SPOCD1: variants seen among roughly 807,000 people sequenced by gnomAD.
The protein encoded by SPOCD1 is SPOC domain containing 1, also known as SPOC domain-containing protein 1.
In SPOCD1, 64 loss-of-function variants were observed where a neutral mutation model predicts 92.2. That is an observed-to-expected ratio of 0.69 (90% CI 0.57 to 0.86). The LOEUF is 0.86. Ranked by LOEUF, SPOCD1 falls within the 40% of genes least tolerant of loss-of-function variation. The pLI is 0.00. For missense variants in SPOCD1, 1,360 were observed against 1,543.1 expected (o/e 0.88, Z 1.99); for synonymous variants, 578 against 619.3 (o/e 0.93, Z 0.99).
At chr1:31,810,571 C>A (rs1022202001) in intron 2 of SPOCD1, among the ~76,000 whole-genome samples, 3 of 152,200 alleles carry the variant, frequency 2.0e-5, no homozygotes, top group East Asian at 3.9e-4. Flanking sequence ...CCAGGCTGGT[C>A]TCCTGAGCTC....
chr1:31,796,726 G>A lies in SPOCD1; in HGVS notation c.2146-11C>T, dbSNP rs1196799727. The A allele has an allele frequency of 2.6e-5, 42 of 1,614,054 alleles. No homozygotes were observed. The highest frequency in any genetic ancestry group is 3.6e-5 in the Non-Finnish European group (42 of 1,180,016). On this transcript the variant is annotated splice_polypyrimidine_tract_variant and intron_variant, in intron 9 of 15. Coordinates refer to ENST00000360482, the MANE Select transcript of SPOCD1 (RefSeq NM_144569.7). ...AATGATATTCAGGCCCTGAAGAGGTGGAGCAGGCCAAGCTGAGCCCAGTTA... is the reference window on the plus strand; with the variant it reads ...AATGATATTCAGGCCCTGAAGAGGTAGAGCAGGCCAAGCTGAGCCCAGTTA...
intron 10 of SPOCD1, chr1:31,796,226 C>A (rs756139921): frequency 2.7e-6 from 1 of 367,644 alleles, no homozygotes; most frequent in Non-Finnish European, 5.3e-6. Flanking sequence ...GTCTTCGTTC[C>A]TTCCATCTGA....
chr1:31,792,457 C>T, intron 14 of SPOCD1, 56 bp from the exon 15 acceptor site: 1 of 1,561,438 alleles, frequency 6.4e-7, no homozygotes, highest in Non-Finnish European at 8.7e-7. Flanking sequence ...CTCCTGCCAA[C>T]ACCCCTGGGC....
In SPOCD1 at chr1:31,800,429, C is replaced by G. The variant is rs1380039362; in HGVS notation, c.1602+12G>C. 1 of 1,556,232 alleles carries G rather than the reference C, an allele frequency of 6.4e-7. No individual in the cohort carries two copies. Among genetic ancestry groups the G allele is most frequent in the Non-Finnish European group, 8.7e-7 (1 of 1,147,416 alleles). ...CTCTCAGCAGGATTAAATGACATCA[C>G]TTGTTCTGTACCTGGCACCCAGCAG... On this transcript the variant is annotated intron_variant, in intron 4 of 15. Coordinates refer to ENST00000360482, the MANE Select transcript of SPOCD1 (RefSeq NM_144569.7).
Position 31,814,280 on chromosome 1 carries a change from C to A in SPOCD1, c.1054G>T (p.Asp352Tyr). 1 of 1,578,246 alleles carries A rather than the reference C, an allele frequency of 6.3e-7. No individual in the cohort carries two copies. Among genetic ancestry groups the A allele is most frequent in the Non-Finnish European group, 8.6e-7 (1 of 1,159,664 alleles). The change falls in exon 2 of 16, where the codon GAT (aspartate) becomes TAT (tyrosine). Residue 352 changes from aspartate (D) to tyrosine (Y), a missense_variant. Coordinates refer to ENST00000360482, the MANE Select transcript of SPOCD1 (RefSeq NM_144569.7). This position sits in a 1 kb window ranked among gnomAD's most constrained non-coding sequence, Gnocchi z 4.2. ...TCCTGTGCTGGAGCCTGGCCTTCAT[C>A]GCTGCCAGTCCGCACGACACACACA... ...EAVCVVRTGS[D>Y]EGQAPAQDQE...
At chr1:31,794,098 T>C (rs1014241915) in intron 11 of SPOCD1, 26 bp downstream of exon 11, 18 of 1,605,350 alleles carry the variant, frequency 1.1e-5, no homozygotes, top group Non-Finnish European at 1.4e-5. Flanking sequence ...CTGCCACCCC[T>C]GCACCCCTCC....
intron 2 of SPOCD1, among the ~76,000 whole-genome samples, chr1:31,808,047 C>T (rs1648956990): frequency 1.3e-5 from 2 of 152,184 alleles, no homozygotes; most frequent in Non-Finnish European, 1.5e-5. Flanking sequence ...TTTAACCAGC[C>T]ATTCTATCAA....
rs1648151085 is a variant in SPOCD1, at chr1:31,798,092, T to G, written c.2145+115A>C. ...TGCCTTCTCTGTTTCCTTGTTTCTG[T>G]CTTTCTGAATTCCTCCTCCCTCCCT... On this transcript the variant is annotated intron_variant, in intron 9 of 15. Transcript: ENST00000360482. This position sits in a 1 kb window ranked among gnomAD's most constrained non-coding sequence, Gnocchi z 4.1. 2.6e-6 allele frequency: 2 copies of G among 782,646 alleles called. No homozygotes were observed. Among genetic ancestry groups the G allele is most frequent in the South Asian group, 3.0e-5 (2 of 67,302 alleles). 48.5% of individuals were successfully genotyped at this position (782,646 alleles called of 1,614,324 possible). A position where few individuals can be genotyped will look rare whatever the true frequency, so the allele number is the denominator to read the frequency against.
chr1:31,794,495 TC>T (rs1647860366), intron 10 of SPOCD1: 7 of 228,636 alleles, frequency 3.1e-5, no homozygotes, highest in South Asian at 1.9e-4. Context: ...TCTTTTTTTT[TC>T]TTTTCTTTTT....
rs375588501 is a variant in SPOCD1 at position 31,799,501 on chromosome 1, G to T, written c.1784-16C>A. On this transcript the variant is annotated splice_polypyrimidine_tract_variant and intron_variant, in intron 6 of 15. Coordinates refer to ENST00000360482, the MANE Select transcript of SPOCD1 (RefSeq NM_144569.7). The stretch of plus-strand genomic sequence containing the variant: ...TGGAGCTGAGCTGTAGGGAGAGAGC[G>T]TCACAGGCTCCCAGGGGTGCCCAGG... 1 of 1,604,044 alleles carries T rather than the reference G, an allele frequency of 6.2e-7. No individual in the cohort carries two copies. The highest frequency in any genetic ancestry group is 8.5e-7 in the Non-Finnish European group (1 of 1,174,722).
chr1:31,799,345 G>C (rs1019718666), intron 7 of SPOCD1, 56 bp downstream of exon 7: 1 of 1,456,482 alleles, frequency 6.9e-7, no homozygotes, highest in South Asian at 1.2e-5. Flanking sequence ...CCCCGGAGGC[G>C]GGGGCATGTG....
chr1:31,793,277 C>T lies in SPOCD1; in HGVS notation c.2685+1G>A. ...ATCCCTGGCGAGGAGGGCAGGTGCA[C>T]CTGGACAAGCCGACAGCTGTGTCCC... On this transcript the variant is annotated splice_donor_variant, in intron 13 of 15. Coordinates refer to ENST00000360482, the MANE Select transcript of SPOCD1 (RefSeq NM_144569.7). LOFTEE classifies it high-confidence loss of function. 6.3e-7 allele frequency: 1 copy of T among 1,587,858 alleles called. No homozygotes were observed. Among genetic ancestry groups the T allele is most frequent in the Non-Finnish European group, 8.6e-7 (1 of 1,167,472 alleles).
intron 2 of SPOCD1, among the ~76,000 whole-genome samples, chr1:31,810,417 C>T (rs1394118797): frequency 6.6e-6 from 1 of 150,466 alleles, no homozygotes; most frequent in African/African-American, 2.4e-5. Context: ...GCAGGGGCAC[C>T]AGCACAGCTT....
In SPOCD1 at chr1:31,799,748, A is replaced by G. The variant is rs1333670633; in HGVS notation, c.1783+61T>C. On this transcript the variant is annotated intron_variant, in intron 6 of 15. Transcript: ENST00000360482. ...GGGCTGGGCCCAGGAGCTGGGCCTG[A>G]GTCCTCCCCAGACCCCAGCAGTCTC... 1.8e-5 allele frequency: 28 copies of G among 1,584,992 alleles called. No homozygotes were observed. In the Admixed American group the frequency reaches 4.7e-4, roughly 27 times the overall value.
At chr1:31,810,689 G>A (rs920608672) in intron 2 of SPOCD1, among the ~76,000 whole-genome samples, 1 of 152,282 alleles carries the variant, frequency 6.6e-6, no homozygotes, top group Non-Finnish European at 1.5e-5. Context: ...TAAATGAGAT[G>A]ACATACTTGA....
rs200928438 is a variant in SPOCD1, at chr1:31,798,312, G to C, written c.2040C>G (p.Leu680=). The C allele has an allele frequency of 6.2e-7, 1 of 1,613,566 alleles. No individual in the cohort carries two copies. The highest frequency in any genetic ancestry group is 1.1e-5 in the South Asian group (1 of 91,042). Reference sequence around the variant, plus strand: ...GGGTGACATCTCCATGAACCACTTTGAGAAACAAGTCCTGGTGGGGGCAGG... The same window carrying C: ...GGGTGACATCTCCATGAACCACTTTCAGAAACAAGTCCTGGTGGGGGCAGG... ...LRDPRNLDLF[L]KVVHGDVTPY... Residue 680 remains leucine (L), a synonymous_variant, in exon 9 of 16, where the codon CTC becomes CTG. Transcript: ENST00000360482. This position sits in a 1 kb window ranked among gnomAD's most constrained non-coding sequence, Gnocchi z 4.1.
intron 2 of SPOCD1, among the ~76,000 whole-genome samples, chr1:31,812,171 T>G (rs934064993): frequency 6.6e-6 from 1 of 152,178 alleles, no homozygotes; most frequent in Non-Finnish European, 1.5e-5. Context: ...TAAGCACTCT[T>G]CATACCCACA....
In SPOCD1 at chr1:31,804,679, A is replaced by T. The variant is rs1648692156; in HGVS notation, c.1384-2974T>A. Among the ~76,000 whole-genome samples the T allele has an allele frequency of 3.9e-5, 4 of 103,192 alleles. No homozygotes were observed. The South Asian group carries it at 1.5e-3, about 38-fold the overall frequency. 67.7% of individuals were successfully genotyped at this position (103,192 alleles called of 152,430 possible). A position where few individuals can be genotyped will look rare whatever the true frequency, so the allele number is the denominator to read the frequency against. ...ACCTGAGGCAGAAGGAAGGAAAAACAATCCCAGATAGATAAGATGAAAGGA... is the reference window on the plus strand; with the variant it reads ...ACCTGAGGCAGAAGGAAGGAAAAACTATCCCAGATAGATAAGATGAAAGGA... On this transcript the variant is annotated intron_variant, in intron 2 of 15. Coordinates refer to ENST00000360482, the MANE Select transcript of SPOCD1 (RefSeq NM_144569.7).
intron 2 of SPOCD1, among the ~76,000 whole-genome samples, chr1:31,802,034 G>A (rs1027751747): frequency 1.3e-5 from 2 of 152,164 alleles, no homozygotes; most frequent in African/African-American, 4.8e-5. Context: ...TGAGCATGGT[G>A]GCGGGTGCCT....
Sources: allele counts gnomAD v4.1 joint callset (sites outside exome capture counted in the v4.1 genomes callset), GRCh38; gene constraint gnomAD v4.1.1; non-coding constraint Gnocchi (gnomAD v3.1); transcripts MANE v1.5; gene names NCBI Gene and HGNC (gene_info 2026-07-23, HGNC 2026-07-21).